BPI: variants seen among roughly 807,000 people sequenced by gnomAD.
The protein encoded by BPI is bactericidal permeability-increasing protein.
A neutral mutation model predicts 57.6 loss-of-function variants in BPI; 48 were observed. The ratio of observed to expected loss-of-function variants is 0.83; its 90% confidence interval spans 0.66 to 1.06. The LOEUF (loss-of-function observed/expected upper bound fraction) is 1.06. BPI is among the 50% of genes least tolerant of loss of function. The pLI, the probability that BPI is intolerant of heterozygous loss-of-function variation, is 0.00. For missense variants in BPI, 651 were observed against 609.7 expected (o/e 1.07, Z -0.71); for synonymous variants, 237 against 238.2 (o/e 0.99, Z 0.05).
At chr20:38,319,583 C>A (rs1177439811) in intron 6 of BPI, among the ~76,000 whole-genome samples, 1 of 152,236 alleles carries the variant, frequency 6.6e-6, no homozygotes. Context: ...ACTCACCAAC[C>A]ATTGAACAAC....
intron 7 of BPI, 69 bp from the exon 8 acceptor site, chr20:38,323,801 C>T: frequency 6.6e-7 from 1 of 1,524,996 alleles, no homozygotes; most frequent in South Asian, 1.3e-5. Context: ...TCCATTTTTT[C>T]CTGGATGGAG....
chr20:38,307,695 G>C lies in BPI; in HGVS notation c.245+14G>C, dbSNP rs2076603553. ...TAGCTTCTACAGGTGAGGCCTATCA[G>C]AGCTCAATCCTCGATTTGCAGGACT... is the stretch of plus-strand genomic sequence containing the variant. On this transcript the variant is annotated intron_variant, in intron 2 of 14. Transcript: ENST00000642449. 6.3e-7 allele frequency: 1 copy of C among 1,591,202 alleles called. No homozygotes were observed. Among genetic ancestry groups the C allele is most frequent in the African/African-American group, 1.3e-5 (1 of 74,192 alleles).
At chr20:38,332,195 T>A (rs1286641337) in intron 12 of BPI, among the ~76,000 whole-genome samples, 5 of 151,764 alleles carry the variant, frequency 3.3e-5, no homozygotes, top group Non-Finnish European at 7.4e-5. Flanking sequence ...GGAGGGGAGA[T>A]TGTTGTGTTG....
rs1190211413 is a variant in BPI, at chr20:38,327,477, C to A, written c.1162-111C>A. 16 of 1,181,132 alleles carry A rather than the reference C, an allele frequency of 1.4e-5. No individual in the cohort carries two copies. The Admixed American group carries it at 2.6e-4, about 19-fold the overall frequency. 73.2% of individuals were successfully genotyped at this position (1,181,132 alleles called of 1,614,324 possible). A position where few individuals can be genotyped will look rare whatever the true frequency, so the allele number is the denominator to read the frequency against. ...CTCTGGCTCTGTGGGCCTGACCCCACAGTGTATGCTGCCCTGCTGAGCCGT... is the reference window on the plus strand; with the variant it reads ...CTCTGGCTCTGTGGGCCTGACCCCAAAGTGTATGCTGCCCTGCTGAGCCGT... On this transcript the variant is annotated intron_variant, in intron 10 of 14. Coordinates refer to ENST00000642449, the MANE Select transcript of BPI (RefSeq NM_001725.3).
chr20:38,325,297 C>T (rs1236108342), intron 9 of BPI, among the ~76,000 whole-genome samples: 3 of 152,168 alleles, frequency 2.0e-5, no homozygotes, highest in Non-Finnish European at 4.4e-5. Context: ...TCTTTATCTG[C>T]TCAGGCTACC....
chr20:38,331,207 G>A, intron 12 of BPI, 117 bp downstream of exon 12: 1 of 1,285,698 alleles, frequency 7.8e-7, no homozygotes, highest in South Asian at 1.3e-5. Flanking sequence ...CATTTAATTT[G>A]GTTGTGAATT....
rs1180182198 is a variant in BPI at position 38,320,214 on chromosome 20, C to T, written c.696C>T (p.Ile232=). The change falls in exon 7 of 15, where the codon ATC becomes ATT. Residue 232 remains isoleucine (I), a synonymous_variant. Coordinates refer to ENST00000642449, the MANE Select transcript of BPI (RefSeq NM_001725.3). ...VMTKIDSVAG[I]NYGLVAPPAT... ...CCAAAATAGATTCTGTGGCTGGAAT[C>T]AACTATGGTCTGGTGGCACCTCCAG... 3 of 1,613,976 alleles carry T rather than the reference C, an allele frequency of 1.9e-6. No homozygotes were observed. Among genetic ancestry groups the T allele is most frequent in the Admixed American group, 1.7e-5 (1 of 59,994 alleles).
At chr20:38,328,201 T>G (rs2076723432) in intron 11 of BPI, among the ~76,000 whole-genome samples, 1 of 152,160 alleles carries the variant, frequency 6.6e-6, no homozygotes, top group Admixed American at 6.5e-5. Context: ...GCGTTAAAAG[T>G]GTGGCTCACC....
chr20:38,318,380 G>A (rs367567438), intron 5 of BPI, 33 bp from the exon 6 acceptor site: 1 of 1,588,554 alleles, frequency 6.3e-7, no homozygotes, highest in Admixed American at 1.7e-5. Flanking sequence ...ACTATGGGAA[G>A]ACCTTACTGA....
intron 5 of BPI, 140 bp from the exon 6 acceptor site, chr20:38,318,273 A>C: frequency 8.6e-7 from 1 of 1,167,664 alleles, no homozygotes; most frequent in Non-Finnish European, 1.3e-6. Flanking sequence ...CTGGTGGCCA[A>C]AAAGAAAAGG....
At position 38,337,428 on chromosome 20, in the gene BPI, G is replaced by C. The variant is rs906872554; in HGVS notation, c.*244G>C. 1 of 382,784 alleles carries C rather than the reference G, an allele frequency of 2.6e-6. No individual in the cohort carries two copies. The highest frequency in any genetic ancestry group is 4.6e-6 in the Non-Finnish European group (1 of 217,216). 23.7% of individuals were successfully genotyped at this position (382,784 alleles called of 1,614,324 possible). A position where few individuals can be genotyped will look rare whatever the true frequency, so the allele number is the denominator to read the frequency against. ...TAAGGCTGCAGAGATATTTCCTCCA[G>C]GAATCGTGTTTCAATTGTAACCAAG... On this transcript the variant is annotated 3_prime_UTR_variant, in exon 15 of 15. Coordinates refer to ENST00000642449, the MANE Select transcript of BPI (RefSeq NM_001725.3).
At chr20:38,334,899 G>T (rs1045113598) in intron 13 of BPI, among the ~76,000 whole-genome samples, 1 of 152,120 alleles carries the variant, frequency 6.6e-6, no homozygotes, top group African/African-American at 2.4e-5. Context: ...GGATGAGGGG[G>T]TTCCCTGATA....
chr20:38,329,611 G>T (rs1487889782), intron 11 of BPI, among the ~76,000 whole-genome samples: 1 of 152,206 alleles, frequency 6.6e-6, no homozygotes, highest in Non-Finnish European at 1.5e-5. Context: ...AAATCCTGGG[G>T]CTACTGACTC....
At chr20:38,322,299 GA>G (rs796653141) in intron 7 of BPI, among the ~76,000 whole-genome samples, 1 of 150,484 alleles carries the variant, frequency 6.6e-6, no homozygotes, top group East Asian at 1.9e-4. Context: ...GGCATACTAA[GA>G]AAAAAAAATG....
At chr20:38,320,733 G>A (rs572308937) in intron 7 of BPI, among the ~76,000 whole-genome samples, 2 of 151,290 alleles carry the variant, frequency 1.3e-5, no homozygotes, top group Admixed American at 1.3e-4. Flanking sequence ...TATGATGAGG[G>A]AGAAGGGGCT....
chr20:38,315,958 G>A (rs1022005801), intron 5 of BPI, among the ~76,000 whole-genome samples: 39 of 151,186 alleles, frequency 2.6e-4, no homozygotes, highest in African/African-American at 7.8e-4. Context: ...TCAGCCTCCC[G>A]AGTAGCTGGG....
At chr20:38,317,791 G>A (rs770082772) in intron 5 of BPI, 5 of 1,453,460 alleles carry the variant, frequency 3.4e-6, no homozygotes, top group East Asian at 5.0e-5. Context: ...TAGATAAATG[G>A]AACAACTTCC....
rs761113134 is a variant in BPI, at chr20:38,334,430, G to A, written c.1273G>A (p.Val425Ile). ...LKHSNIGPFP[V>I]ELLQDIMNYI... ...CTCCCATCCTCCCTCTGATTTCCAG[G>A]TTGAATTGCTGCAGGATATCATGAA... is the stretch of plus-strand genomic sequence containing the variant. The change falls in exon 13 of 15, where the codon GTT (valine) becomes ATT (isoleucine). Residue 425 changes from valine to isoleucine, a missense_variant and splice_region_variant. Transcript: ENST00000642449. The A allele has an allele frequency of 1.4e-5, 22 of 1,613,700 alleles. No homozygotes were observed. In the East Asian group the frequency reaches 4.9e-4, roughly 36 times the overall value.
At chr20:38,320,613 C>T (rs902934507) in intron 7 of BPI, among the ~76,000 whole-genome samples, 11 of 150,896 alleles carry the variant, frequency 7.3e-5, no homozygotes, top group Non-Finnish European at 1.3e-4. Flanking sequence ...AGACCACTCT[C>T]GCTGAAATAG....
Sources: allele counts gnomAD v4.1 joint callset (sites outside exome capture counted in the v4.1 genomes callset), GRCh38; gene constraint gnomAD v4.1.1; transcripts MANE v1.5; gene names NCBI Gene and HGNC (gene_info 2026-07-23, HGNC 2026-07-21).